Variants in MIB1 observed in about 807,000 individuals in gnomAD.
The protein encoded by MIB1 is E3 ubiquitin-protein ligase MIB1.
Under a neutral mutation model 124.5 loss-of-function variants are expected in MIB1, and 278 were observed. The ratio of observed to expected loss-of-function variants is 2.23; its 90% CI spans 2.02 to 2.47. MIB1 has a LOEUF of 2.47. Ranked by LOEUF, MIB1 falls within the 30% of genes most tolerant of loss-of-function variation. The probability of loss-of-function intolerance (pLI) is 0.00; values close to 1 mark genes in which losing one functional copy is unlikely to be tolerated. For synonymous variants in MIB1, 446 were observed against 429.4 expected, an observed-to-expected ratio of 1.04 and a Z score of -0.48; for missense variants, 957 against 1,254.4, an observed-to-expected ratio of 0.76 and a Z score of 3.58.
chr18:21,838,800 CTGTTACGGAAGTA>C (rs1186450664), intron 13 of MIB1, among the ~76,000 whole-genome samples: 1 of 152,204 alleles, frequency 6.6e-6, no homozygotes, highest in Non-Finnish European at 1.5e-5. Context: ...ATGGCTGCCA[CTGTTACGGAAGTA>C]TCATCAACCA....
At position 21,847,135 on chromosome 18, in the gene MIB1, A is replaced by G. The variant is rs11877131; in HGVS notation, c.2393+10A>G. ...ATAAGGAAAAAGTCAGGTTTGTATT[A>G]TTTATTATCATAAAACTTAATATTC... On this transcript the variant is annotated intron_variant, in intron 16 of 20. Transcript: ENST00000261537. 131,032 of 1,607,654 alleles carry G rather than the reference A, an allele frequency of 0.082. 5,741 individuals carry two copies. The highest frequency in any genetic ancestry group is 0.14 in the Middle Eastern group (844 of 6,046).
chr18:21,817,808 C>A, intron 11 of MIB1: 1 of 282,054 alleles, frequency 3.5e-6, no homozygotes, highest in Non-Finnish European at 7.1e-6. Context: ...ACTGGGGAGA[C>A]AAACCATGCA....
chr18:21,809,375 A>G (rs912265571), intron 10 of MIB1, among the ~76,000 whole-genome samples: 5 of 152,110 alleles, frequency 3.3e-5, no homozygotes, highest in African/African-American at 1.2e-4. Flanking sequence ...TTTCCAACAA[A>G]TTAGAGAGGA....
chr18:21,860,098 C>CTTTTTTTTTTTTT lies in MIB1; in HGVS notation c.2880+1467_2880+1479dup, dbSNP rs398032096. 7.5e-3 allele frequency among the ~76,000 whole-genome samples: 199 copies of CTTTTTTTTTTTTT among 26,464 alleles called. 48 individuals are homozygous for CTTTTTTTTTTTTT. Among genetic ancestry groups the CTTTTTTTTTTTTT allele is most frequent in the African/African-American group, 0.01 (83 of 8,208 alleles). The allele number at this position is 26,464 out of a possible 152,430, so 17.4% of individuals were successfully genotyped here. A position where few individuals can be genotyped will look rare whatever the true frequency, so the allele number is the denominator to read the frequency against. ...GTGTTGGTTATGTTGTTCTTTATGT[C>CTTTTTTTTTTTTT]TTTTTTTTTTTTTTTTTTTTTTTTT... On this transcript the variant is annotated intron_variant, in intron 20 of 20. Transcript: ENST00000261537.
At chr18:21,848,657 C>T (rs935411819) in intron 16 of MIB1, among the ~76,000 whole-genome samples, 6 of 152,044 alleles carry the variant, frequency 3.9e-5, no homozygotes, top group South Asian at 2.1e-4. Flanking sequence ...TCTGTGTTTA[C>T]GGATGCAGTC....
At chr18:21,772,510 A>G (rs2146415948) in intron 3 of MIB1, among the ~76,000 whole-genome samples, 1 of 152,356 alleles carries the variant, frequency 6.6e-6, no homozygotes. Context: ...TGCTCATTGG[A>G]GCATTTAGAA....
chr18:21,865,075 G>A lies in MIB1; in HGVS notation c.*409G>A, dbSNP rs2042310120. 6.5e-6 allele frequency: 1 copy of A among 153,804 alleles called. No homozygotes were observed. 9.5% of individuals were successfully genotyped at this position (153,804 alleles called of 1,614,324 possible). A position where few individuals can be genotyped will look rare whatever the true frequency, so the allele number is the denominator to read the frequency against. ...AGTGAGTTGATAACAGGTTCTCTGA[G>A]AAGTCATGCATCAAATAAAAGAGGC... On this transcript the variant is annotated 3_prime_UTR_variant, in exon 21 of 21. Coordinates refer to ENST00000261537, the MANE Select transcript of MIB1 (RefSeq NM_020774.4).
At chr18:21,839,853 A>G (rs542041134) in intron 13 of MIB1, among the ~76,000 whole-genome samples, 12 of 152,264 alleles carry the variant, frequency 7.9e-5, no homozygotes, top group Non-Finnish European at 1.2e-4. Context: ...GCTCTTGCAC[A>G]TATTAGATTT....
Position 21,765,870 on chromosome 18 carries a change from A to G in MIB1, c.328A>G (p.Thr110Ala). The change falls in exon 2 of 21, where the codon ACA (threonine) becomes GCA (alanine). Residue 110 changes from threonine to alanine, a missense_variant. Physicochemically the swap from Thr to Ala is moderately conservative, Grantham distance 58. Transcript: ENST00000261537. ...CAECTNYDLC[T>A]VCYHGDKHHL... is the part of the protein sequence containing the mutation. The stretch of plus-strand genomic sequence containing the variant: ...AGAGTGTACAAATTATGATTTGTGC[A>G]CAGTGTGTTATCATGGAGATAAACA... 1.2e-6 allele frequency: 2 copies of G among 1,614,160 alleles called. No individual in the cohort carries two copies. Among genetic ancestry groups the G allele is most frequent in the Non-Finnish European group, 1.7e-6 (2 of 1,179,978 alleles).
intron 13 of MIB1, among the ~76,000 whole-genome samples, chr18:21,842,361 A>G (rs1314406356): frequency 1.3e-5 from 2 of 152,158 alleles, no homozygotes; most frequent in East Asian, 3.8e-4. Context: ...AAAAATTTTT[A>G]AATTATGCTA....
In MIB1 at chr18:21,864,576, T is replaced by A; in HGVS notation, c.2931T>A (p.Cys977Ter). ...LDRLKNMIFL[C>*]GHGTCQLCGD... ...GTCTGAAGAATATGATTTTCCTTTGTGGTCACGGAACCTGTCAACTCTGTG... is the reference window on the plus strand; with the variant it reads ...GTCTGAAGAATATGATTTTCCTTTGAGGTCACGGAACCTGTCAACTCTGTG... The change falls in exon 21 of 21, where the codon TGT becomes TGA. Residue 977 changes from cysteine (C) to a stop codon, truncating the protein, a stop_gained. Coordinates refer to ENST00000261537, the MANE Select transcript of MIB1 (RefSeq NM_020774.4). LOFTEE classifies it high-confidence loss of function. 6.2e-7 allele frequency: 1 copy of A among 1,613,754 alleles called. No homozygotes were observed. The highest frequency in any genetic ancestry group is 8.5e-7 in the Non-Finnish European group (1 of 1,179,652).
intron 20 of MIB1, among the ~76,000 whole-genome samples, chr18:21,863,986 C>T (rs879380167): frequency 2.0e-5 from 3 of 151,866 alleles, no homozygotes; most frequent in Non-Finnish European, 4.4e-5. Flanking sequence ...AGCCTGGCGA[C>T]AGAGTGAGAC....
intron 7 of MIB1, among the ~76,000 whole-genome samples, chr18:21,796,231 C>T (rs2041578047): frequency 1.3e-5 from 2 of 151,740 alleles, no homozygotes; most frequent in African/African-American, 2.4e-5. Context: ...AGAATGAGAT[C>T]ATGTCCTTTG....
At chr18:21,762,683 A>G (rs1445305121) in intron 1 of MIB1, among the ~76,000 whole-genome samples, 1 of 152,194 alleles carries the variant, frequency 6.6e-6, no homozygotes, top group Non-Finnish European at 1.5e-5. Context: ...TAAACTAAAA[A>G]CAAACAAAAA....
At chr18:21,720,564 G>T (rs2146357791) in intron 1 of MIB1, among the ~76,000 whole-genome samples, 1 of 151,994 alleles carries the variant, frequency 6.6e-6, no homozygotes, top group East Asian at 1.9e-4. Flanking sequence ...CTCATGATTG[G>T]ATCCTGATTC....
chr18:21,749,614 A>AT (rs1243061787), intron 1 of MIB1, among the ~76,000 whole-genome samples: 3 of 140,282 alleles, frequency 2.1e-5, no homozygotes, highest in South Asian at 2.2e-4. Context: ...CAACTGATAC[A>AT]TTTTTTCTAA....
chr18:21,827,833 G>A (rs1236567918), intron 12 of MIB1: 1 of 151,754 alleles, frequency 6.6e-6, no homozygotes, highest in Non-Finnish European at 1.5e-5. Context: ...ATGAACTATA[G>A]TTAAACTTAG....
At position 21,870,923 on chromosome 18, in the gene MIB1, T is replaced by TA. The variant is rs1271214913; in HGVS notation, c.*6258dup. 6.6e-6 allele frequency: 1 copy of TA among 152,242 alleles called. No homozygotes were observed. Among genetic ancestry groups the TA allele is most frequent in the East Asian group, 1.9e-4 (1 of 5,206 alleles). The allele number at this position is 152,242 out of a possible 1,614,324, so 9.4% of individuals were successfully genotyped here. On this transcript the variant is annotated 3_prime_UTR_variant, in exon 21 of 21. Transcript: ENST00000261537. ...AATATTTTTTACTAAATTGAAACTA[T>TA]AGGTTTTAAAAATAAAGACATTTTA...
At chr18:21,856,154 C>T (rs1283795558) in intron 18 of MIB1, among the ~76,000 whole-genome samples, 2 of 149,176 alleles carry the variant, frequency 1.3e-5, no homozygotes, top group African/African-American at 5.0e-5. Flanking sequence ...GGCGTGAACC[C>T]GGGAAGCGGA....
Sources: allele counts gnomAD v4.1 joint callset (sites outside exome capture counted in the v4.1 genomes callset), GRCh38; gene constraint gnomAD v4.1.1; transcripts MANE v1.5; gene names NCBI Gene and HGNC (gene_info 2026-07-23, HGNC 2026-07-21).